The following FAM210A variants were observed in gnomAD, a reference collection of about 807,000 sequenced individuals.
FAM210A encodes mitochondrial inner membrane scaffold 1.
FAM210A carries 13 observed loss-of-function variants against 25.3 expected under a neutral mutation model. The ratio of observed to expected loss-of-function variants is 0.51; its 90% confidence interval spans 0.33 to 0.82. The LOEUF is 0.82. Among genes scored for constraint, FAM210A ranks in the 40% least tolerant of loss-of-function variants. The probability of loss-of-function intolerance (pLI) is 0.02; values close to 1 mark genes in which losing one functional copy is unlikely to be tolerated. For missense variants in FAM210A, 319 were observed against 323.2 expected (o/e 0.99, Z 0.10); for synonymous variants, 125 against 118.7 (o/e 1.05, Z -0.35).
intron 1 of FAM210A, among the ~76,000 whole-genome samples, chr18:13,696,018 T>G (rs1200258021): frequency 6.6e-6 from 1 of 152,054 alleles, no homozygotes; most frequent in African/African-American, 2.4e-5. Context: ...CCAAAATAGG[T>G]AGTATAAACA....
chr18:13,697,079 GGTT>G (rs2043700587), intron 1 of FAM210A, among the ~76,000 whole-genome samples: 16 of 152,200 alleles, frequency 1.1e-4, no homozygotes, highest in Admixed American at 1.0e-3. Flanking sequence ...GCGCTGTACA[GGTT>G]TGTGGCCTAG....
intron 1 of FAM210A, among the ~76,000 whole-genome samples, chr18:13,716,898 A>G (rs1460329451): frequency 1.3e-5 from 2 of 152,200 alleles, no homozygotes; most frequent in African/African-American, 4.8e-5. Flanking sequence ...TAGTATTTTT[A>G]CAGCAGTGTG....
At chr18:13,670,197 A>C (rs2043430440) in intron 3 of FAM210A, among the ~76,000 whole-genome samples, 1 of 152,182 alleles carries the variant, frequency 6.6e-6, no homozygotes, top group South Asian at 2.1e-4. Context: ...ACAAACACTT[A>C]ACACCTAGCA....
chr18:13,671,809 GC>G, intron 3 of FAM210A, 52 bp downstream of exon 3: 1 of 1,108,610 alleles, frequency 9.0e-7, no homozygotes, highest in Non-Finnish European at 1.4e-6. Flanking sequence ...GGGAAAGTGA[GC>G]AGGTCACCAC....
In FAM210A at chr18:13,696,545, G is replaced by A. The variant is rs902363220; in HGVS notation, c.-28-14440C>T. ...GCCAGTGATGGACAGCATGAAAGAC[G>A]GTGCCATAAGATAAAAGAGCAGAAA... On this transcript the variant is annotated intron_variant, in intron 1 of 3. Transcript: ENST00000651643. Among the ~76,000 whole-genome samples the A allele has an allele frequency of 3.9e-5, 6 of 152,238 alleles. No individual in the cohort carries two copies. In the East Asian group the frequency reaches 5.8e-4, roughly 15 times the overall value.
At chr18:13,696,114 C>G (rs566889716) in intron 1 of FAM210A, among the ~76,000 whole-genome samples, 1 of 152,234 alleles carries the variant, frequency 6.6e-6, no homozygotes, top group East Asian at 1.9e-4. Flanking sequence ...AGTCTACATT[C>G]ATAGATAGAC....
chr18:13,685,830 GTTTGAC>G (rs1299650740), intron 1 of FAM210A, among the ~76,000 whole-genome samples: 2 of 152,094 alleles, frequency 1.3e-5, no homozygotes, highest in African/African-American at 4.8e-5. Context: ...ATTTCACAGA[GTTTGAC>G]TCTTTTATCA....
intron 2 of FAM210A, among the ~76,000 whole-genome samples, chr18:13,678,374 G>A (rs1341752585): frequency 1.3e-5 from 2 of 151,804 alleles, no homozygotes; most frequent in African/African-American, 2.4e-5. Flanking sequence ...GGGTTCAAGC[G>A]ATTCTCCTGC....
chr18:13,723,164 C>G (rs776430767), intron 1 of FAM210A, among the ~76,000 whole-genome samples: 3 of 152,150 alleles, frequency 2.0e-5, no homozygotes, highest in African/African-American at 7.2e-5. Context: ...CCATATCACA[C>G]CAGGGACTAT....
intron 1 of FAM210A, among the ~76,000 whole-genome samples, chr18:13,705,004 T>C (rs1417757412): frequency 6.6e-6 from 1 of 152,224 alleles, no homozygotes; most frequent in East Asian, 1.9e-4. Context: ...AAAGCACTCT[T>C]GAATACAGGT....
At chr18:13,719,458 T>C (rs2043883432) in intron 1 of FAM210A, among the ~76,000 whole-genome samples, 1 of 152,188 alleles carries the variant, frequency 6.6e-6, no homozygotes, top group Non-Finnish European at 1.5e-5. Flanking sequence ...CTAATAGGAC[T>C]CATCTTGCCA....
At chr18:13,711,163 G>A (rs952292363) in intron 1 of FAM210A, among the ~76,000 whole-genome samples, 1 of 152,222 alleles carries the variant, frequency 6.6e-6, no homozygotes, top group African/African-American at 2.4e-5. Flanking sequence ...CCTGAGGTCA[G>A]GAGTTCGAGA....
chr18:13,694,254 T>C (rs1382685227), intron 1 of FAM210A, among the ~76,000 whole-genome samples: 2 of 99,960 alleles, frequency 2.0e-5, no homozygotes, highest in South Asian at 3.7e-4. Flanking sequence ...GAACATTCCA[T>C]GCTTACGGAT....
intron 1 of FAM210A, among the ~76,000 whole-genome samples, chr18:13,694,274 C>CATT (rs55897590): frequency 0.83 from 126,204 of 151,908 alleles, 53,505 homozygotes; most frequent in East Asian, 0.95. Context: ...TAGGAAGAAT[C>CATT]GTTGTGAAAA....
intron 1 of FAM210A, among the ~76,000 whole-genome samples, chr18:13,685,515 T>C (rs1042589457): frequency 2.6e-5 from 4 of 152,184 alleles, no homozygotes; most frequent in African/African-American, 9.7e-5. Context: ...CAACCCCTTA[T>C]CTTAATTCAG....
intron 1 of FAM210A, among the ~76,000 whole-genome samples, chr18:13,703,095 G>C (rs188305539): frequency 9.2e-5 from 14 of 152,312 alleles, no homozygotes; most frequent in Admixed American, 6.5e-4. Context: ...TAAATCCCAG[G>C]AATTGGAAGT....
intron 1 of FAM210A, among the ~76,000 whole-genome samples, chr18:13,685,402 C>T (rs996764549): frequency 4.0e-5 from 6 of 151,774 alleles, no homozygotes; most frequent in African/African-American, 1.5e-4. Flanking sequence ...AACTGAGAGT[C>T]TAGCACCTTT....
At chr18:13,718,534 A>G (rs1013086408) in intron 1 of FAM210A, among the ~76,000 whole-genome samples, 3 of 152,202 alleles carry the variant, frequency 2.0e-5, no homozygotes, top group Admixed American at 6.5e-5. Context: ...GCCAAAAAAA[A>G]AAGAAAAAAG....
At chr18:13,718,467 G>A in intron 1 of FAM210A, among the ~76,000 whole-genome samples, 1 of 151,854 alleles carries the variant, frequency 6.6e-6, no homozygotes. Context: ...TACAGATAAA[G>A]AATGCAAGGA....
Sources: gnomAD v4.1 joint callset for allele counts (sites outside exome capture counted in the v4.1 genomes callset) on GRCh38, gnomAD v4.1.1 for gene constraint, MANE v1.5 for transcripts, NCBI Gene and HGNC (gene_info 2026-07-23, HGNC 2026-07-21) for gene names.